Variants in MAD1L1 observed in about 807,000 individuals in gnomAD.
MAD1L1 encodes the protein mitotic arrest deficient 1 like 1, also known as mitotic spindle assembly checkpoint protein MAD1.
In MAD1L1, 95 loss-of-function variants were observed where a neutral mutation model predicts 96.9. The ratio of observed to expected loss-of-function variants is 0.98; its 90% CI spans 0.83 to 1.16. The LOEUF is 1.16. MAD1L1 is among the 50% of genes most tolerant of loss of function. The pLI, the probability that MAD1L1 is intolerant of heterozygous loss-of-function variation, is 0.00. For synonymous variants in MAD1L1, 473 were observed against 396.6 expected (o/e 1.19, Z -2.29); for missense variants, 1,007 against 954.4 (o/e 1.06, Z -0.73).
intron 11 of MAD1L1, among the ~76,000 whole-genome samples, chr7:2,100,644 C>T (rs920166952): frequency 1.3e-5 from 2 of 152,254 alleles, no homozygotes; most frequent in African/African-American, 4.8e-5. Context: ...TGGAAACGGC[C>T]GCACTGGGCC....
chr7:1,888,298 G>A (rs573452497), intron 18 of MAD1L1, among the ~76,000 whole-genome samples: 23 of 136,920 alleles, frequency 1.7e-4, no homozygotes, highest in African/African-American at 2.8e-4. Context: ...GCATGCATGC[G>A]TCTATGTGAC....
chr7:1,938,169 C>T (rs1374142262), intron 16 of MAD1L1, among the ~76,000 whole-genome samples: 1 of 82,376 alleles, frequency 1.2e-5, no homozygotes, highest in African/African-American at 5.5e-5. Flanking sequence ...CCCGAGACCC[C>T]GACCTCACGC....
At chr7:1,874,910 T>C (rs1469386812) in intron 18 of MAD1L1, among the ~76,000 whole-genome samples, 1 of 152,024 alleles carries the variant, frequency 6.6e-6, no homozygotes. Context: ...GGCCTGGCCA[T>C]AGGCACCCTG....
intron 18 of MAD1L1, among the ~76,000 whole-genome samples, chr7:1,873,774 C>T (rs540337957): frequency 7.9e-5 from 12 of 152,196 alleles, no homozygotes; most frequent in Non-Finnish European, 1.5e-4. Flanking sequence ...CCCAAGCTGG[C>T]CCTGAAGCCC....
chr7:1,974,541 CGA>C (rs1780546029), intron 15 of MAD1L1, among the ~76,000 whole-genome samples: 1 of 152,016 alleles, frequency 6.6e-6, no homozygotes, highest in African/African-American at 2.4e-5. Context: ...TCTCAGGAAA[CGA>C]AGAGTATAGC....
intron 15 of MAD1L1, among the ~76,000 whole-genome samples, chr7:1,972,758 A>G (rs1780461920): frequency 6.6e-6 from 1 of 151,990 alleles, no homozygotes; most frequent in South Asian, 2.1e-4. Flanking sequence ...TAGGAACATA[A>G]ATTAAGAGAC....
intron 18 of MAD1L1, among the ~76,000 whole-genome samples, chr7:1,859,159 C>T (rs565985387): frequency 7.2e-5 from 11 of 152,290 alleles, no homozygotes; most frequent in African/African-American, 2.4e-4. Context: ...CTGAGAGAGG[C>T]AGTGGGAGAT....
chr7:1,934,371 A>C (rs1789657417), intron 17 of MAD1L1, among the ~76,000 whole-genome samples: 1 of 152,244 alleles, frequency 6.6e-6, no homozygotes, highest in Non-Finnish European at 1.5e-5. Flanking sequence ...AGGTTAACGA[A>C]CAGACGGGCG....
chr7:1,902,083 G>T (rs369925575), intron 17 of MAD1L1, among the ~76,000 whole-genome samples: 14 of 152,332 alleles, frequency 9.2e-5, no homozygotes, highest in African/African-American at 3.4e-4. Context: ...GCTGCCCAGG[G>T]CCCGGCCCAG....
chr7:2,100,950 T>A (rs924313063), intron 11 of MAD1L1, among the ~76,000 whole-genome samples: 1 of 152,304 alleles, frequency 6.6e-6, no homozygotes, highest in Non-Finnish European at 1.5e-5. Flanking sequence ...GGTGTTAAAG[T>A]CGTATCATTT....
rs557309621 is a variant in MAD1L1, at chr7:2,136,281, G to A, written c.1073+12871C>T. Among the ~76,000 whole-genome samples, 49 of 152,364 alleles carry A rather than the reference G, an allele frequency of 3.2e-4. 1 individual carries two copies. The highest frequency in any genetic ancestry group is 2.9e-3 in the Admixed American group (45 of 15,310). ...TCGCCCTGATGAGAGGCAACGTGGT[G>A]AGAGGGCACAGGCTTAGGAGACAGC... On this transcript the variant is annotated intron_variant, in intron 11 of 18. Transcript: ENST00000265854.
chr7:1,887,249 G>A (rs1246952675), intron 18 of MAD1L1, among the ~76,000 whole-genome samples: 1 of 152,208 alleles, frequency 6.6e-6, no homozygotes, highest in Non-Finnish European at 1.5e-5. Flanking sequence ...GGGGGTGGCT[G>A]TGCATGTGTG....
intron 10 of MAD1L1, among the ~76,000 whole-genome samples, chr7:2,208,416 C>G (rs186815113): frequency 6.6e-6 from 1 of 152,218 alleles, no homozygotes; most frequent in Admixed American, 6.5e-5. Context: ...CCTAATTATA[C>G]TGGTGAAGAT....
chr7:2,208,757 T>C (rs1301938746), intron 10 of MAD1L1, among the ~76,000 whole-genome samples: 4 of 152,084 alleles, frequency 2.6e-5, no homozygotes, highest in African/African-American at 9.7e-5. Context: ...CTGGCCTCTC[T>C]GTATTACTCC....
intron 18 of MAD1L1, among the ~76,000 whole-genome samples, chr7:1,826,016 G>A (rs1307307437): frequency 3.3e-5 from 5 of 152,172 alleles, no homozygotes; most frequent in Non-Finnish European, 7.3e-5. Flanking sequence ...CGGCAGCAGT[G>A]ATCTGTATCC....
intron 11 of MAD1L1, among the ~76,000 whole-genome samples, chr7:2,083,985 C>T (rs1785783135): frequency 6.6e-6 from 1 of 152,158 alleles, no homozygotes; most frequent in African/African-American, 2.4e-5. Flanking sequence ...GCATGGACCC[C>T]CACCCAGTGA....
Position 2,121,686 on chromosome 7 carries a change from T to C in MAD1L1, c.1073+27466A>G, listed in dbSNP as rs140615119. ...GGTGGCCAAACTCAGCCTCCAGCAC[T>C]AGAGCCTGGGGGCCAGGAGTCCTCG... On this transcript the variant is annotated intron_variant, in intron 11 of 18. Transcript: ENST00000265854. 7.2e-3 allele frequency among the ~76,000 whole-genome samples: 1,101 copies of C among 152,010 alleles called. 7 individuals carry two copies. Among genetic ancestry groups the C allele is most frequent in the Middle Eastern group, 0.02 (6 of 294 alleles).
intron 12 of MAD1L1, among the ~76,000 whole-genome samples, chr7:2,053,858 A>T (rs1784285444): frequency 1.3e-5 from 2 of 152,260 alleles, no homozygotes; most frequent in Admixed American, 1.3e-4. Context: ...TGGCTTCCAC[A>T]GTGCTCCAGG....
intron 17 of MAD1L1, among the ~76,000 whole-genome samples, chr7:1,899,060 T>C (rs1787079535): frequency 6.6e-6 from 1 of 152,108 alleles, no homozygotes. Context: ...CAGGCCATCG[T>C]GAGACGACAG....
Sources: gnomAD v4.1 joint callset for allele counts (sites outside exome capture counted in the v4.1 genomes callset) on GRCh38, gnomAD v4.1.1 for gene constraint, MANE v1.5 for transcripts, NCBI Gene and HGNC (gene_info 2026-07-23, HGNC 2026-07-21) for gene names.